Variants in RSF1 observed in about 807,000 individuals in gnomAD.
RSF1 encodes HBV pX-associated protein 8.
RSF1 carries 13 observed loss-of-function variants against 145.2 expected under a neutral mutation model. The observed-to-expected ratio is 0.09, with a 90% CI of 0.06 to 0.14. The LOEUF (loss-of-function observed/expected upper bound fraction) is 0.14, where lower values mean the gene tolerates loss of function less well. Among genes scored for constraint, RSF1 ranks in the 10% least tolerant of loss-of-function variants. The pLI is 1.00. For missense variants in RSF1, 1,517 were observed against 1,718.2 expected, an observed-to-expected ratio of 0.88 and a Z score of 2.07; for synonymous variants, 577 against 592.6, an observed-to-expected ratio of 0.97 and a Z score of 0.38.
At chr11:77,682,117 T>C (rs1012345684) in intron 11 of RSF1, among the ~76,000 whole-genome samples, 1 of 152,222 alleles carries the variant, frequency 6.6e-6, no homozygotes, top group Non-Finnish European at 1.5e-5. Flanking sequence ...TTTGACTTCA[T>C]ACATACAGAA....
intron 4 of RSF1, chr11:77,734,381 A>T: frequency 1.2e-6 from 1 of 854,418 alleles, no homozygotes; most frequent in Non-Finnish European, 1.9e-6. Context: ...GTTTTGGTAC[A>T]ACTTATAGAA....
chr11:77,827,447 G>C, the RSF1 span, among the ~76,000 whole-genome samples: 1 of 152,094 alleles, frequency 6.6e-6, no homozygotes, highest in Non-Finnish European at 1.5e-5. Flanking sequence ...CCATAAACAA[G>C]TGGGATTCAT....
the RSF1 span, among the ~76,000 whole-genome samples, chr11:77,842,227 A>C: frequency 6.6e-6 from 1 of 152,214 alleles, no homozygotes. Flanking sequence ...TCTTAATTTT[A>C]TCTCTCAAAA....
chr11:77,768,619 T>C (rs1271962689), intron 1 of RSF1, among the ~76,000 whole-genome samples: 1 of 152,156 alleles, frequency 6.6e-6, no homozygotes, highest in African/African-American at 2.4e-5. Flanking sequence ...TAGTGGCTAC[T>C]GTACTGGATA....
At chr11:77,676,094 T>C (rs923501553) in intron 13 of RSF1, among the ~76,000 whole-genome samples, 2 of 152,232 alleles carry the variant, frequency 1.3e-5, no homozygotes, top group African/African-American at 4.8e-5. Flanking sequence ...ATGTGACTTC[T>C]ATGCTTAGAA....
At chr11:77,733,601 G>A (rs1335871184) in intron 4 of RSF1, among the ~76,000 whole-genome samples, 1 of 118,194 alleles carries the variant, frequency 8.5e-6, no homozygotes, top group Admixed American at 1.0e-4. Context: ...TCACTCTGTT[G>A]CCCAGGCTAG....
intron 1 of RSF1, among the ~76,000 whole-genome samples, chr11:77,810,100 C>G (rs1378368309): frequency 6.6e-6 from 1 of 152,208 alleles, no homozygotes; most frequent in Non-Finnish European, 1.5e-5. Flanking sequence ...TTTCCCAGTC[C>G]TGTGTCCTCT....
intron 6 of RSF1, among the ~76,000 whole-genome samples, chr11:77,700,176 A>G (rs1960380648): frequency 6.6e-6 from 1 of 151,670 alleles, no homozygotes; most frequent in African/African-American, 2.4e-5. Flanking sequence ...CATGGCGAAA[A>G]CCCACCTCTA....
At chr11:77,838,421 T>TTTCCTTGAAGAAGAAGAAGTATTTC in the RSF1 span, among the ~76,000 whole-genome samples, 1 of 152,156 alleles carries the variant, frequency 6.6e-6, no homozygotes, top group African/African-American at 2.4e-5. Context: ...AAAACTGATG[T>TTTCCTTGAAGAAGAAGAAGTATTTC]TTCCTTGAAG....
At chr11:77,771,186 CA>C (rs1192509734) in intron 1 of RSF1, among the ~76,000 whole-genome samples, 4 of 152,076 alleles carry the variant, frequency 2.6e-5, no homozygotes, top group Admixed American at 2.6e-4. Flanking sequence ...TTTTTTCCCC[CA>C]AACTAATTTC....
intron 12 of RSF1, among the ~76,000 whole-genome samples, chr11:77,677,658 T>C (rs989082553): frequency 6.6e-6 from 1 of 152,242 alleles, no homozygotes; most frequent in Admixed American, 6.5e-5. Context: ...TCTATTTTAA[T>C]GCCACTTACT....
chr11:77,671,500 C>G (rs936182103), intron 15 of RSF1, among the ~76,000 whole-genome samples: 2 of 151,860 alleles, frequency 1.3e-5, no homozygotes, highest in African/African-American at 4.8e-5. Flanking sequence ...TTTTCTGAGA[C>G]TTTTCTAGTT....
chr11:77,832,945 A>G, the RSF1 span, among the ~76,000 whole-genome samples: 1 of 88,942 alleles, frequency 1.1e-5, no homozygotes, highest in East Asian at 2.7e-4. Flanking sequence ...TTTATTGTAT[A>G]TATATATGTG....
intron 7 of RSF1, among the ~76,000 whole-genome samples, chr11:77,697,486 TAATA>T (rs1318027225): frequency 6.7e-5 from 1 of 14,898 alleles, no homozygotes; most frequent in Admixed American, 6.5e-4. Flanking sequence ...ATATAATATA[TAATA>T]TATATAAATA....
chr11:77,758,718 T>C (rs1463019299), intron 2 of RSF1, among the ~76,000 whole-genome samples: 1 of 152,224 alleles, frequency 6.6e-6, no homozygotes, highest in Admixed American at 6.5e-5. Flanking sequence ...TCTCATATGC[T>C]TTTTGATCTT....
chr11:77,756,811 A>G (rs1281348630), intron 2 of RSF1, among the ~76,000 whole-genome samples: 1 of 152,270 alleles, frequency 6.6e-6, no homozygotes, highest in Admixed American at 6.5e-5. Context: ...CATTTATGGA[A>G]CAGAGCTATG....
At chr11:77,729,944 GAA>G (rs2135893787) in intron 4 of RSF1, among the ~76,000 whole-genome samples, 1 of 104,524 alleles carries the variant, frequency 9.6e-6, no homozygotes, top group East Asian at 3.0e-4. Flanking sequence ...CAAGAAAACT[GAA>G]GAGGCATTAA....
intron 4 of RSF1, among the ~76,000 whole-genome samples, chr11:77,738,286 G>GAATGTA (rs1378622114): frequency 6.6e-6 from 1 of 152,080 alleles, no homozygotes; most frequent in Admixed American, 6.5e-5. Flanking sequence ...TAAAGTACAG[G>GAATGTA]AATGTAACTC....
intron 5 of RSF1, among the ~76,000 whole-genome samples, chr11:77,720,474 A>G (rs748431958): frequency 6.6e-6 from 1 of 152,202 alleles, no homozygotes; most frequent in African/African-American, 2.4e-5. Flanking sequence ...AGGTAGTATT[A>G]TCACCTAAAT....
Sources: allele counts gnomAD v4.1 joint callset (sites outside exome capture counted in the v4.1 genomes callset), GRCh38; gene constraint gnomAD v4.1.1; transcripts MANE v1.5; gene names NCBI Gene and HGNC (gene_info 2026-07-23, HGNC 2026-07-21).